Variants in NOVA1 observed in about 807,000 individuals in gnomAD.
NOVA1 encodes the protein NOVA alternative splicing regulator 1, also known as RNA-binding protein Nova-1.
NOVA1 carries 7 observed loss-of-function variants against 38.0 expected under a neutral mutation model. That is an observed-to-expected ratio of 0.18 (90% CI 0.10 to 0.35). NOVA1 has a LOEUF of 0.35. NOVA1 is among the 10% of genes least tolerant of loss of function. The pLI, the probability that NOVA1 is intolerant of heterozygous loss-of-function variation, is 1.00. For synonymous variants in NOVA1, 270 were observed against 232.5 expected (o/e 1.16, Z -1.47); for missense variants, 460 against 616.0 (o/e 0.75, Z 2.68).
intron 4 of NOVA1, among the ~76,000 whole-genome samples, chr14:26,470,883 C>T (rs1346178201): frequency 2.6e-5 from 4 of 151,884 alleles, no homozygotes; most frequent in Admixed American, 6.6e-5. Flanking sequence ...CAATAAAGTA[C>T]AAAAGAAATA....
At chr14:26,557,088 A>G (rs533740897) in intron 2 of NOVA1, among the ~76,000 whole-genome samples, 2 of 152,232 alleles carry the variant, frequency 1.3e-5, no homozygotes, top group Admixed American at 1.3e-4. Flanking sequence ...CTCCTCTTAT[A>G]AGGATACCAG....
chr14:26,566,295 T>C (rs1286147683), intron 2 of NOVA1, among the ~76,000 whole-genome samples: 2 of 152,134 alleles, frequency 1.3e-5, no homozygotes, highest in African/African-American at 2.4e-5. Flanking sequence ...TTTTAATTTA[T>C]TGTCATCAAA....
At chr14:26,535,851 C>T (rs550187319) in intron 2 of NOVA1, among the ~76,000 whole-genome samples, 2 of 151,726 alleles carry the variant, frequency 1.3e-5, no homozygotes, top group Non-Finnish European at 2.9e-5. Context: ...TGGTGGTGGG[C>T]GCCTGTAGTC....
At chr14:26,494,301 T>C (rs1163627213) in intron 2 of NOVA1, among the ~76,000 whole-genome samples, 1 of 152,208 alleles carries the variant, frequency 6.6e-6, no homozygotes, top group East Asian at 1.9e-4. Context: ...AGGGAAGCTG[T>C]TGTCTTTCTC....
chr14:26,572,679 T>C (rs2138726266), intron 2 of NOVA1, among the ~76,000 whole-genome samples: 1 of 151,416 alleles, frequency 6.6e-6, no homozygotes, highest in East Asian at 2.0e-4. Flanking sequence ...AAAGACTTCC[T>C]GGATGATCAT....
chr14:26,515,518 A>G (rs1380900176), intron 2 of NOVA1, among the ~76,000 whole-genome samples: 6 of 152,018 alleles, frequency 3.9e-5, no homozygotes, highest in Non-Finnish European at 1.5e-5. Context: ...AGAGACTCCA[A>G]ATACTTTGTT....
intron 1 of NOVA1, 128 bp downstream of exon 1, chr14:26,597,173 G>T: frequency 8.4e-7 from 1 of 1,185,044 alleles, no homozygotes; most frequent in Non-Finnish European, 1.1e-6. Flanking sequence ...AGGGGCCGCC[G>T]GGTTCGGGCT....
intron 4 of NOVA1, among the ~76,000 whole-genome samples, chr14:26,454,778 A>T (rs999432086): frequency 1.3e-5 from 2 of 152,164 alleles, no homozygotes; most frequent in Non-Finnish European, 2.9e-5. Flanking sequence ...TCTGGTAAGG[A>T]AAGACATGTA....
At chr14:26,555,553 G>T (rs750016498) in intron 2 of NOVA1, among the ~76,000 whole-genome samples, 7 of 152,064 alleles carry the variant, frequency 4.6e-5, no homozygotes, top group Admixed American at 6.5e-5. Flanking sequence ...ACAAAACTAA[G>T]TTCTAAATTT....
intron 4 of NOVA1, among the ~76,000 whole-genome samples, chr14:26,468,296 T>C (rs1884305127): frequency 8.0e-6 from 1 of 124,302 alleles, no homozygotes; most frequent in African/African-American, 3.0e-5. Context: ...GTTGTGGCCC[T>C]CAGTCAAACA....
intron 2 of NOVA1, among the ~76,000 whole-genome samples, chr14:26,590,803 G>A (rs1052243219): frequency 6.6e-6 from 1 of 151,732 alleles, no homozygotes; most frequent in African/African-American, 2.4e-5. Context: ...TCATTACAGT[G>A]ACACAAATTT....
rs1393217828 is a variant in NOVA1, at chr14:26,445,558, T to C, written c.*2401A>G. 1.3e-5 allele frequency: 2 copies of C among 152,188 alleles called. No individual in the cohort carries two copies. Among genetic ancestry groups the C allele is most frequent in the Non-Finnish European group, 2.9e-5 (2 of 68,036 alleles). The allele number at this position is 152,188 out of a possible 1,614,324, so 9.4% of individuals were successfully genotyped here. A position where few individuals can be genotyped will look rare whatever the true frequency, so the allele number is the denominator to read the frequency against. ...AAAACACACATAATTGTTTAAATGG[T>C]TTGGCTTCAAAGTAACATTAAATTC... On this transcript the variant is annotated 3_prime_UTR_variant, in exon 5 of 5. Transcript: ENST00000539517.
chr14:26,458,467 G>T (rs1883360844), intron 4 of NOVA1, among the ~76,000 whole-genome samples: 1 of 152,094 alleles, frequency 6.6e-6, no homozygotes, highest in Admixed American at 6.6e-5. Flanking sequence ...GTAAAATGTG[G>T]TATATATACA....
At chr14:26,565,920 T>TG in intron 2 of NOVA1, among the ~76,000 whole-genome samples, 1 of 152,152 alleles carries the variant, frequency 6.6e-6, no homozygotes, top group Admixed American at 6.5e-5. Flanking sequence ...TTCAGAAAAG[T>TG]GATCTATGTT....
At chr14:26,596,200 T>C (rs1200191395) in intron 1 of NOVA1, 3 of 237,386 alleles carry the variant, frequency 1.3e-5, no homozygotes, top group African/African-American at 4.7e-5. Context: ...TAGCACTTCT[T>C]AGTCTACCGT....
chr14:26,525,763 T>C (rs1889249352), intron 2 of NOVA1, among the ~76,000 whole-genome samples: 1 of 152,110 alleles, frequency 6.6e-6, no homozygotes, highest in Admixed American at 6.5e-5. Flanking sequence ...CTTGACATTC[T>C]CACCTCATAA....
chr14:26,540,191 G>A (rs941696483), intron 2 of NOVA1, among the ~76,000 whole-genome samples: 42 of 152,140 alleles, frequency 2.8e-4, no homozygotes, highest in Non-Finnish European at 7.4e-5. Context: ...CACAAAGGAG[G>A]TGAGCCACAG....
chr14:26,549,198 T>A (rs189532730), intron 2 of NOVA1, among the ~76,000 whole-genome samples: 1 of 152,096 alleles, frequency 6.6e-6, no homozygotes, highest in East Asian at 1.9e-4. Flanking sequence ...TCAAAATTGG[T>A]GTTTCTAATC....
intron 2 of NOVA1, among the ~76,000 whole-genome samples, chr14:26,523,392 TG>T (rs1374106192): frequency 6.6e-6 from 1 of 152,222 alleles, no homozygotes; most frequent in East Asian, 1.9e-4. Flanking sequence ...TCACACTGCA[TG>T]GTTCCTTAAA....
Sources: allele counts gnomAD v4.1 joint callset (sites outside exome capture counted in the v4.1 genomes callset), GRCh38; gene constraint gnomAD v4.1.1; transcripts MANE v1.5; gene names NCBI Gene and HGNC (gene_info 2026-07-23, HGNC 2026-07-21).